TBC1D5: variants seen among roughly 807,000 people sequenced by gnomAD.
TBC1D5 encodes TBC1 domain family, member 5.
Under a neutral mutation model 100.3 loss-of-function variants are expected in TBC1D5, and 75 were observed. That is an observed-to-expected ratio of 0.75 (90% confidence interval 0.62 to 0.91). The LOEUF is 0.91. Ranked by LOEUF, TBC1D5 falls within the 40% of genes least tolerant of loss-of-function variation. The probability of loss-of-function intolerance (pLI) is 0.00; values close to 1 mark genes in which losing one functional copy is unlikely to be tolerated. For synonymous variants in TBC1D5, 323 were observed against 325.6 expected (o/e 0.99, Z 0.09); for missense variants, 910 against 942.4 (o/e 0.97, Z 0.45).
intron 1 of TBC1D5, among the ~76,000 whole-genome samples, chr3:17,687,303 ATT>A (rs1396608448): frequency 6.6e-6 from 1 of 152,126 alleles, no homozygotes; most frequent in Non-Finnish European, 1.5e-5. Flanking sequence ...TAAAAGCTAA[ATT>A]TAGCCAGACA....
chr3:17,208,573 T>G (rs972013723), intron 18 of TBC1D5, among the ~76,000 whole-genome samples: 4 of 152,262 alleles, frequency 2.6e-5, no homozygotes, highest in African/African-American at 9.6e-5. Context: ...CTTAAAAATT[T>G]CTGCCTACTT....
At chr3:17,534,032 G>A (rs1484492188) in intron 2 of TBC1D5, among the ~76,000 whole-genome samples, 2 of 152,050 alleles carry the variant, frequency 1.3e-5, no homozygotes, top group Non-Finnish European at 2.9e-5. Flanking sequence ...GTTTTCTATA[G>A]CAATGACAAG....
At chr3:17,352,105 C>T (rs1319187745) in intron 13 of TBC1D5, among the ~76,000 whole-genome samples, 3 of 151,852 alleles carry the variant, frequency 2.0e-5, no homozygotes, top group African/African-American at 4.8e-5. Flanking sequence ...TTTCTTGATG[C>T]TAAATGTAAG....
intron 16 of TBC1D5, among the ~76,000 whole-genome samples, chr3:17,250,956 G>C (rs548527493): frequency 1.3e-5 from 2 of 152,268 alleles, no homozygotes; most frequent in African/African-American, 2.4e-5. Context: ...TCCACAACTA[G>C]TAAAAGAAAT....
At chr3:17,702,762 C>T (rs1193180221) in intron 1 of TBC1D5, among the ~76,000 whole-genome samples, 3 of 152,010 alleles carry the variant, frequency 2.0e-5, no homozygotes, top group African/African-American at 7.3e-5. Context: ...CTTAATAAGA[C>T]TCATATGGTA....
At chr3:17,647,512 A>C (rs1236846940) in intron 1 of TBC1D5, among the ~76,000 whole-genome samples, 1 of 151,974 alleles carries the variant, frequency 6.6e-6, no homozygotes, top group Non-Finnish European at 1.5e-5. Flanking sequence ...AGACTTAAAG[A>C]TAGTGGGGGA....
chr3:17,488,293 C>G (rs185602401), intron 3 of TBC1D5, among the ~76,000 whole-genome samples: 1 of 152,274 alleles, frequency 6.6e-6, no homozygotes, highest in Non-Finnish European at 1.5e-5. Context: ...TCCTCCATGT[C>G]TTTTTGTGCT....
chr3:17,540,430 T>C (rs2096338871), intron 2 of TBC1D5, among the ~76,000 whole-genome samples: 1 of 152,216 alleles, frequency 6.6e-6, no homozygotes. Context: ...CCTTATTTTC[T>C]TCTAAGACTT....
intron 1 of TBC1D5, among the ~76,000 whole-genome samples, chr3:17,723,216 G>A (rs1423707658): frequency 2.6e-5 from 4 of 152,074 alleles, no homozygotes; most frequent in Non-Finnish European, 5.9e-5. Context: ...TGTTTCAGGG[G>A]ATGGATACCC....
At chr3:17,693,387 C>A (rs575012695) in intron 1 of TBC1D5, among the ~76,000 whole-genome samples, 1 of 152,330 alleles carries the variant, frequency 6.6e-6, no homozygotes, top group East Asian at 1.9e-4. Flanking sequence ...CCAAAAACTG[C>A]GCTTTGCTCA....
At chr3:17,237,010 G>T (rs192591629) in intron 17 of TBC1D5, among the ~76,000 whole-genome samples, 1 of 152,126 alleles carries the variant, frequency 6.6e-6, no homozygotes. Flanking sequence ...TAAGTTTACC[G>T]ATTTAAATGG....
chr3:17,636,116 C>G (rs576290409), intron 1 of TBC1D5, among the ~76,000 whole-genome samples: 1 of 152,014 alleles, frequency 6.6e-6, no homozygotes, highest in South Asian at 2.1e-4. Context: ...TCGCTGGGAC[C>G]CGGGAGGCAG....
exon 16 of TBC1D5, chr3:17,258,568 A>G: frequency 1.2e-6 from 2 of 1,612,944 alleles, no homozygotes; most frequent in Non-Finnish European, 1.7e-6. Context: ...GATGGAATTG[A>G]TAAGTCACTG....
At chr3:17,534,459 C>A (rs2096263998) in intron 2 of TBC1D5, among the ~76,000 whole-genome samples, 1 of 152,130 alleles carries the variant, frequency 6.6e-6, no homozygotes, top group South Asian at 2.1e-4. Context: ...TTAACATCTT[C>A]TTTTTACCTG....
At chr3:17,736,388 G>GAGGA (rs1365142287) in intron 1 of TBC1D5, among the ~76,000 whole-genome samples, 1 of 152,200 alleles carries the variant, frequency 6.6e-6, no homozygotes, top group East Asian at 1.9e-4. Context: ...GAAGGTGGGT[G>GAGGA]AGGAGGCAAT....
intron 1 of TBC1D5, among the ~76,000 whole-genome samples, chr3:17,714,420 C>G (rs2075046391): frequency 6.6e-6 from 1 of 152,178 alleles, no homozygotes; most frequent in African/African-American, 2.4e-5. Flanking sequence ...TGTGAGAACT[C>G]TAAGCTTCCA....
intron 13 of TBC1D5, among the ~76,000 whole-genome samples, chr3:17,334,120 T>G (rs751817864): frequency 1.3e-5 from 2 of 151,990 alleles, no homozygotes; most frequent in African/African-American, 4.8e-5. Context: ...GAGAGTAGCA[T>G]GCTTAAAATG....
intron 9 of TBC1D5, among the ~76,000 whole-genome samples, chr3:17,382,057 T>C (rs1189657602): frequency 6.6e-6 from 1 of 152,024 alleles, no homozygotes; most frequent in Non-Finnish European, 1.5e-5. Context: ...TTAATATCTA[T>C]ATTTCCCATT....
chr3:17,716,344 A>C (rs543295764), intron 1 of TBC1D5, among the ~76,000 whole-genome samples: 1 of 151,776 alleles, frequency 6.6e-6, no homozygotes, highest in Admixed American at 6.5e-5. Flanking sequence ...TCAATCACTT[A>C]TAATAAAACT....
Sources: allele counts gnomAD v4.1 joint callset (sites outside exome capture counted in the v4.1 genomes callset), GRCh38; gene constraint gnomAD v4.1.1; transcripts MANE v1.5; gene names NCBI Gene and HGNC (gene_info 2026-07-23, HGNC 2026-07-21).